KCNH8: variants seen among roughly 807,000 people sequenced by gnomAD.
KCNH8 encodes the protein potassium voltage-gated channel subfamily H member 8, also known as voltage-gated delayed rectifier potassium channel KCNH8.
Under a neutral mutation model 103.6 loss-of-function variants are expected in KCNH8, and 70 were observed. That is an observed-to-expected ratio of 0.68 (90% CI 0.56 to 0.82). The LOEUF (loss-of-function observed/expected upper bound fraction) is 0.82. KCNH8 is among the 40% of genes least tolerant of loss of function. The pLI, the probability that KCNH8 is intolerant of heterozygous loss-of-function variation, is 0.00. For missense variants in KCNH8, 1,217 were observed against 1,329.9 expected, an observed-to-expected ratio of 0.92 and a Z score of 1.32; for synonymous variants, 498 against 489.4, an observed-to-expected ratio of 1.02 and a Z score of -0.23.
chr3:19,262,574 G>T (rs1283591899), intron 2 of KCNH8, among the ~76,000 whole-genome samples: 1 of 151,946 alleles, frequency 6.6e-6, no homozygotes, highest in African/African-American at 2.4e-5. Flanking sequence ...TCATAGCATT[G>T]CATATGGAAT....
intron 3 of KCNH8, among the ~76,000 whole-genome samples, chr3:19,296,185 C>T (rs1364533134): frequency 6.6e-6 from 1 of 152,184 alleles, no homozygotes; most frequent in Admixed American, 6.5e-5. Flanking sequence ...ATAGTTGCTT[C>T]AGTCTTGTAA....
chr3:19,188,069 A>G (rs2063518823), intron 1 of KCNH8, among the ~76,000 whole-genome samples: 1 of 151,978 alleles, frequency 6.6e-6, no homozygotes, highest in South Asian at 2.1e-4. Flanking sequence ...AGCCCACCAC[A>G]TGTTTTTTGT....
rs552447042 is a variant in KCNH8 at position 19,291,577 on chromosome 3, G to C, written c.442+10248G>C. Among the ~76,000 whole-genome samples the C allele has an allele frequency of 4.6e-3, 700 of 152,326 alleles. 3 individuals carry two copies. The highest frequency in any genetic ancestry group is 0.015 in the African/African-American group (644 of 41,566). On this transcript the variant is annotated intron_variant, in intron 3 of 15. Coordinates refer to ENST00000328405, the MANE Select transcript of KCNH8 (RefSeq NM_144633.3). Reference sequence around the variant, plus strand: ...TTTTGAGTGAGTTTCTTAATCCTGAGTTCTAGTTTGATTGCACTGTGGTCT... The same window carrying C: ...TTTTGAGTGAGTTTCTTAATCCTGACTTCTAGTTTGATTGCACTGTGGTCT...
intron 2 of KCNH8, among the ~76,000 whole-genome samples, chr3:19,271,143 T>A (rs112015885): frequency 1.1e-3 from 171 of 152,242 alleles, no homozygotes; most frequent in African/African-American, 4.0e-3. Context: ...TCTTTTAACA[T>A]GTGTTGAAAT....
At chr3:19,187,149 A>G (rs2063510122) in intron 1 of KCNH8, among the ~76,000 whole-genome samples, 1 of 151,986 alleles carries the variant, frequency 6.6e-6, no homozygotes, top group African/African-American at 2.4e-5. Flanking sequence ...GCTGTGAACC[A>G]TACAAAAACA....
chr3:19,340,986 G>A (rs976847962), intron 3 of KCNH8, among the ~76,000 whole-genome samples: 16 of 152,158 alleles, frequency 1.1e-4, no homozygotes, highest in African/African-American at 3.6e-4. Context: ...AGTGGGCCAA[G>A]CATGTGACTT....
At chr3:19,503,100 A>G (rs2068621254) in intron 11 of KCNH8, among the ~76,000 whole-genome samples, 1 of 151,570 alleles carries the variant, frequency 6.6e-6, no homozygotes, top group Admixed American at 6.6e-5. Context: ...AAACAACCCC[A>G]TCAAAAAGTG....
chr3:19,318,472 T>C (rs1468882404), intron 3 of KCNH8, among the ~76,000 whole-genome samples: 2 of 151,794 alleles, frequency 1.3e-5, no homozygotes, highest in African/African-American at 2.4e-5. Context: ...ATCATTCTTA[T>C]GCCTTTGCAT....
rs143066562 is a variant in KCNH8, at chr3:19,435,599, A to G, written c.1178-2565A>G. 3.3e-5 allele frequency among the ~76,000 whole-genome samples: 5 copies of G among 152,320 alleles called. No individual in the cohort carries two copies. The East Asian group carries it at 9.6e-4, about 29-fold the overall frequency. ...TTACAACATGGCTCATTCATACCAT[A>G]TTAAGTAGAACACCATTTTGAATTA... On this transcript the variant is annotated intron_variant, in intron 7 of 15. Coordinates refer to ENST00000328405, the MANE Select transcript of KCNH8 (RefSeq NM_144633.3).
chr3:19,154,702 C>T (rs1335712088), intron 1 of KCNH8, among the ~76,000 whole-genome samples: 1 of 152,214 alleles, frequency 6.6e-6, no homozygotes, highest in East Asian at 1.9e-4. Context: ...TCTCACCACA[C>T]AGCTGACTAC....
chr3:19,530,914 C>T (rs1209441669), intron 15 of KCNH8, among the ~76,000 whole-genome samples: 2 of 152,178 alleles, frequency 1.3e-5, no homozygotes, highest in African/African-American at 4.8e-5. Flanking sequence ...TTATTGCTCC[C>T]ATTTTACAAG....
At chr3:19,455,923 C>T (rs2067525267) in intron 10 of KCNH8, among the ~76,000 whole-genome samples, 1 of 152,012 alleles carries the variant, frequency 6.6e-6, no homozygotes, top group South Asian at 2.1e-4. Context: ...CTCAAATATA[C>T]AAAATTTAAA....
chr3:19,258,957 A>C lies in KCNH8; in HGVS notation c.310+5070A>C, dbSNP rs867627538. On this transcript the variant is annotated intron_variant, in intron 2 of 15. Transcript: ENST00000328405. ...TCTCTCTCTCTCTCTCTATATATAT[A>C]TATATATATATATATATATATATAT... 5.3e-3 allele frequency among the ~76,000 whole-genome samples: 640 copies of C among 120,810 alleles called. 1 individual carries two copies. The highest frequency in any genetic ancestry group is 8.4e-3 in the East Asian group (37 of 4,422). 79.3% of individuals were successfully genotyped at this position (120,810 alleles called of 152,430 possible). A position where few individuals can be genotyped will look rare whatever the true frequency, so the allele number is the denominator to read the frequency against.
intron 7 of KCNH8, among the ~76,000 whole-genome samples, chr3:19,412,460 A>G (rs1410255063): frequency 1.3e-5 from 2 of 152,086 alleles, no homozygotes; most frequent in Admixed American, 6.6e-5. Context: ...CCTAGAACAC[A>G]CCATTCTGGA....
chr3:19,267,450 A>T (rs2064528376), intron 2 of KCNH8, among the ~76,000 whole-genome samples: 2 of 152,138 alleles, frequency 1.3e-5, no homozygotes, highest in Admixed American at 1.3e-4. Flanking sequence ...TGTTCGAAGG[A>T]ATTCACATTT....
chr3:19,472,066 T>C (rs1236791253), intron 11 of KCNH8, among the ~76,000 whole-genome samples: 6 of 152,226 alleles, frequency 3.9e-5, no homozygotes, highest in Non-Finnish European at 8.8e-5. Context: ...AATAATTCAG[T>C]TGTGCACATA....
intron 3 of KCNH8, among the ~76,000 whole-genome samples, chr3:19,304,065 C>G (rs568261890): frequency 5.9e-5 from 9 of 152,236 alleles, no homozygotes; most frequent in African/African-American, 2.2e-4. Flanking sequence ...AAGTTTATAT[C>G]CCAAATGTTA....
chr3:19,482,325 T>C (rs2068104816), intron 11 of KCNH8, among the ~76,000 whole-genome samples: 1 of 152,230 alleles, frequency 6.6e-6, no homozygotes, highest in Non-Finnish European at 1.5e-5. Flanking sequence ...TTTTTACTTA[T>C]TCTTTCTTTG....
chr3:19,474,518 C>A (rs2067930367), intron 11 of KCNH8, among the ~76,000 whole-genome samples: 1 of 152,064 alleles, frequency 6.6e-6, no homozygotes, highest in African/African-American at 2.4e-5. Context: ...AACTGAAGTA[C>A]CTCGAAATTA....
Sources: gnomAD v4.1 joint callset for allele counts (sites outside exome capture counted in the v4.1 genomes callset) on GRCh38, gnomAD v4.1.1 for gene constraint, MANE v1.5 for transcripts, NCBI Gene and HGNC (gene_info 2026-07-23, HGNC 2026-07-21) for gene names.